FBN2: variants seen among roughly 807,000 people sequenced by gnomAD.
FBN2 encodes fibrillin-2.
FBN2 carries 105 observed loss-of-function variants against 355.6 expected under a neutral mutation model. That is an observed-to-expected ratio of 0.30 (90% confidence interval 0.25 to 0.35). The LOEUF (loss-of-function observed/expected upper bound fraction) is 0.35, where lower values mean the gene tolerates loss of function less well. Ranked by LOEUF, FBN2 falls within the 10% of genes least tolerant of loss-of-function variation. The probability of loss-of-function intolerance (pLI) is 1.00; values close to 1 mark genes in which losing one functional copy is unlikely to be tolerated. For synonymous variants in FBN2, 1,350 were observed against 1,301.2 expected, an observed-to-expected ratio of 1.04 and a Z score of -0.81; for missense variants, 3,280 against 3,758.7, an observed-to-expected ratio of 0.87 and a Z score of 3.33.
intron 5 of FBN2, among the ~76,000 whole-genome samples, chr5:128,508,025 C>A (rs1355033049): frequency 6.6e-6 from 1 of 152,030 alleles, no homozygotes; most frequent in African/African-American, 2.4e-5. Context: ...AAATGGCCTT[C>A]TTTATGCCTG....
chr5:128,423,145 G>T (rs1753396429), intron 7 of FBN2, among the ~76,000 whole-genome samples: 1 of 152,004 alleles, frequency 6.6e-6, no homozygotes, highest in Admixed American at 6.6e-5. Context: ...AGACTTCCCT[G>T]GGAAAGTGAC....
intron 7 of FBN2, among the ~76,000 whole-genome samples, chr5:128,424,784 T>C (rs1581281330): frequency 6.6e-6 from 1 of 152,250 alleles, no homozygotes; most frequent in South Asian, 2.1e-4. Flanking sequence ...AAACACTAAT[T>C]TGCAGTAACT....
intron 7 of FBN2, among the ~76,000 whole-genome samples, chr5:128,427,853 C>T (rs1015191067): frequency 1.3e-5 from 2 of 152,182 alleles, no homozygotes; most frequent in African/African-American, 4.8e-5. Context: ...TCTTTTGCTG[C>T]AATCTCGATG....
chr5:128,301,634 C>T (rs2126834671), intron 46 of FBN2, 124 bp from the exon 47 acceptor site: 1 of 896,226 alleles, frequency 1.1e-6, no homozygotes, highest in Non-Finnish European at 1.8e-6. Context: ...TACAACTCCT[C>T]ATCAACAGAG....
intron 4 of FBN2, among the ~76,000 whole-genome samples, chr5:128,523,433 C>A (rs1165291036): frequency 6.6e-6 from 1 of 152,064 alleles, no homozygotes; most frequent in Admixed American, 6.6e-5. Context: ...TGAATTGGGT[C>A]TCTGTTTTCA....
chr5:128,400,106 T>C (rs530350847), intron 8 of FBN2, among the ~76,000 whole-genome samples: 1 of 150,886 alleles, frequency 6.6e-6, no homozygotes, highest in African/African-American at 2.4e-5. Flanking sequence ...AGAGGAAAGA[T>C]TGAGAGGGAA....
At chr5:128,370,336 C>T (rs1055575081) in intron 15 of FBN2, among the ~76,000 whole-genome samples, 41 of 152,258 alleles carry the variant, frequency 2.7e-4, no homozygotes, top group African/African-American at 9.4e-4. Context: ...CTATTCACAA[C>T]TTGTTGGAAA....
intron 15 of FBN2, among the ~76,000 whole-genome samples, chr5:128,372,690 C>T (rs1175027889): frequency 6.6e-6 from 1 of 152,142 alleles, no homozygotes; most frequent in Non-Finnish European, 1.5e-5. Flanking sequence ...CAGGATTTCA[C>T]CATGGAGCCC....
At chr5:128,308,545 T>C (rs1040992814) in intron 41 of FBN2, among the ~76,000 whole-genome samples, 12 of 152,282 alleles carry the variant, frequency 7.9e-5, no homozygotes, top group African/African-American at 2.6e-4. Flanking sequence ...GGTTCAACTC[T>C]TAGTATCTAT....
intron 32 of FBN2, 103 bp downstream of exon 32, chr5:128,332,809 T>A: frequency 1.7e-6 from 2 of 1,152,170 alleles, no homozygotes; most frequent in Non-Finnish European, 2.6e-6. Flanking sequence ...AACCTTTTTA[T>A]AAAGGAATTA....
intron 55 of FBN2, among the ~76,000 whole-genome samples, chr5:128,281,783 T>C (rs1765554807): frequency 6.6e-6 from 1 of 152,166 alleles, no homozygotes; most frequent in Non-Finnish European, 1.5e-5. Flanking sequence ...CCTCCTGGGT[T>C]CACGCCATTC....
At chr5:128,479,204 C>A (rs1032050090) in intron 5 of FBN2, among the ~76,000 whole-genome samples, 2 of 152,062 alleles carry the variant, frequency 1.3e-5, no homozygotes, top group African/African-American at 2.4e-5. Context: ...ACTATTTGTA[C>A]GCAATTACAG....
intron 34 of FBN2, among the ~76,000 whole-genome samples, chr5:128,327,640 T>C (rs1156542401): frequency 6.6e-6 from 1 of 151,550 alleles, no homozygotes; most frequent in Non-Finnish European, 1.5e-5. Flanking sequence ...TTTGTTTTTG[T>C]TTTTGTTTTT....
At chr5:128,447,414 T>C (rs1754097688) in intron 6 of FBN2, among the ~76,000 whole-genome samples, 1 of 152,188 alleles carries the variant, frequency 6.6e-6, no homozygotes. Flanking sequence ...GTCTCTCTTT[T>C]ACAGTTGTAG....
chr5:128,263,387 T>A (rs370553062), intron 63 of FBN2, 38 bp downstream of exon 63: 8 of 1,481,776 alleles, frequency 5.4e-6, no homozygotes, highest in Non-Finnish European at 6.6e-6. Flanking sequence ...TCAGGAACCA[T>A]GTATTCCTCT....
intron 16 of FBN2, among the ~76,000 whole-genome samples, chr5:128,366,739 C>T (rs566295287): frequency 6.6e-6 from 1 of 152,122 alleles, no homozygotes; most frequent in African/African-American, 2.4e-5. Flanking sequence ...TGATATTTAA[C>T]TTTTTTTCCT....
In FBN2 at chr5:128,537,732, G is replaced by C. The variant is rs893101865; in HGVS notation, c.-129C>G. The C allele has an allele frequency of 2.2e-6, 2 of 917,714 alleles. No homozygotes were observed. Among genetic ancestry groups the C allele is most frequent in the South Asian group, 1.5e-5 (1 of 68,254 alleles). The allele number at this position is 917,714 out of a possible 1,614,324, so 56.8% of individuals were successfully genotyped here. ...CGGCTCCGGGGACTCCCTCGGGCTC[G>C]GGCTCCCTGCTCTAGCTGGAGACCT... On this transcript the variant is annotated 5_prime_UTR_variant, in exon 1 of 65. Transcript: ENST00000262464.
In FBN2 at chr5:128,393,177, C is replaced by G. The variant is rs200440156; in HGVS notation, c.1423G>C (p.Gly475Arg). The G allele has an allele frequency of 5.0e-6, 8 of 1,614,036 alleles. No individual in the cohort carries two copies. In the African/African-American group the frequency reaches 1.1e-4, roughly 22 times the overall value. ...GGTCCCTGTCCCCCGGCCCCCACAC[C>G]GGCTCCCCCAACGCCAGGAGAAAAG... ...NGFSPGVGGAGVGAGGQGPII... is the reference protein window; with the variant it reads ...NGFSPGVGGARVGAGGQGPII... Residue 475 changes from glycine to arginine, a missense_variant, in exon 10 of 65, where the codon GGT (glycine) becomes CGT (arginine). Transcript: ENST00000262464.
intron 37 of FBN2, among the ~76,000 whole-genome samples, chr5:128,312,160 C>T (rs1043220958): frequency 1.8e-4 from 27 of 152,114 alleles, no homozygotes; most frequent in Non-Finnish European, 1.3e-4. Flanking sequence ...TAGAATAACA[C>T]GAACCATTTG....
Sources: allele counts gnomAD v4.1 joint callset (sites outside exome capture counted in the v4.1 genomes callset), GRCh38; gene constraint gnomAD v4.1.1; transcripts MANE v1.5; gene names NCBI Gene and HGNC (gene_info 2026-07-23, HGNC 2026-07-21).